GRM1: variants seen among roughly 807,000 people sequenced by gnomAD.
The protein encoded by GRM1 is glutamate metabotropic receptor 1, also known as metabotropic glutamate receptor 1.
In GRM1, 33 loss-of-function variants were observed where a neutral mutation model predicts 90.9. That is an observed-to-expected ratio of 0.36 (90% CI 0.28 to 0.49). The LOEUF (loss-of-function observed/expected upper bound fraction) is 0.49, where lower values mean the gene tolerates loss of function less well. GRM1 is among the 20% of genes least tolerant of loss of function. The pLI is 0.99. For synonymous variants in GRM1, 700 were observed against 613.2 expected (o/e 1.14, Z -2.09); for missense variants, 1,190 against 1,534.3 (o/e 0.78, Z 3.75).
chr6:146,363,134 C>T (rs1775553390), intron 5 of GRM1, among the ~76,000 whole-genome samples: 1 of 152,064 alleles, frequency 6.6e-6, no homozygotes. Context: ...CTAATAATAT[C>T]CTTCTTTAAA....
At chr6:146,101,742 G>A (rs1184182080) in intron 1 of GRM1, among the ~76,000 whole-genome samples, 2 of 150,450 alleles carry the variant, frequency 1.3e-5, no homozygotes, top group Admixed American at 6.6e-5. Context: ...ATATATCACT[G>A]GTAAATATCA....
chr6:146,135,426 G>A (rs1776583055), intron 1 of GRM1, among the ~76,000 whole-genome samples: 1 of 152,216 alleles, frequency 6.6e-6, no homozygotes, highest in Admixed American at 6.5e-5. Flanking sequence ...AAGGCTCTGT[G>A]ATGTGAAGTG....
intron 2 of GRM1, among the ~76,000 whole-genome samples, chr6:146,219,816 A>G (rs1282728182): frequency 1.3e-5 from 2 of 152,120 alleles, no homozygotes; most frequent in Non-Finnish European, 2.9e-5. Context: ...AATAAAGCTA[A>G]GAGTTTATAA....
intron 1 of GRM1, among the ~76,000 whole-genome samples, chr6:146,108,042 A>G (rs556867257): frequency 2.0e-5 from 3 of 152,354 alleles, no homozygotes; most frequent in East Asian, 3.9e-4. Context: ...ATAAATGTAT[A>G]TAAATATATG....
chr6:146,132,027 A>G (rs1776418040), intron 1 of GRM1, among the ~76,000 whole-genome samples: 1 of 152,216 alleles, frequency 6.6e-6, no homozygotes, highest in Admixed American at 6.5e-5. Context: ...AGAACTTGTC[A>G]CATTTGATAA....
chr6:146,402,688 A>C (rs532771567), intron 7 of GRM1, among the ~76,000 whole-genome samples: 3 of 152,304 alleles, frequency 2.0e-5, no homozygotes, highest in African/African-American at 7.2e-5. Context: ...CAACTGATCT[A>C]TCTGTTTGAA....
At chr6:146,229,381 A>T (rs1780367407) in intron 2 of GRM1, among the ~76,000 whole-genome samples, 1 of 149,792 alleles carries the variant, frequency 6.7e-6, no homozygotes, top group South Asian at 2.1e-4. Context: ...GGTGATTTTC[A>T]TACTAGATCA....
chr6:146,321,106 A>C (rs766829791), intron 3 of GRM1, among the ~76,000 whole-genome samples: 1 of 152,106 alleles, frequency 6.6e-6, no homozygotes, highest in Non-Finnish European at 1.5e-5. Context: ...CATGTGCATA[A>C]TTAGTGCTAT....
chr6:146,213,749 G>T (rs1779765611), intron 2 of GRM1, among the ~76,000 whole-genome samples: 1 of 149,996 alleles, frequency 6.7e-6, no homozygotes, highest in Non-Finnish European at 1.5e-5. Context: ...GATGAAAGGA[G>T]ATTTATTGGG....
intron 6 of GRM1, among the ~76,000 whole-genome samples, chr6:146,391,227 A>AG: frequency 6.6e-6 from 1 of 152,240 alleles, no homozygotes; most frequent in East Asian, 1.9e-4. Flanking sequence ...GGATCTTATA[A>AG]GTACCCTAAC....
At chr6:146,304,897 G>C (rs1327698871) in intron 3 of GRM1, 51 bp downstream of exon 3, 14 of 1,235,594 alleles carry the variant, frequency 1.1e-5, no homozygotes, top group African/African-American at 1.5e-5. Flanking sequence ...ATCTCTTCTA[G>C]ATTTATTGCA....
At chr6:146,251,797 C>T (rs980817958) in intron 2 of GRM1, among the ~76,000 whole-genome samples, 4 of 152,206 alleles carry the variant, frequency 2.6e-5, no homozygotes, top group Non-Finnish European at 4.4e-5. Flanking sequence ...TCTGTGACCT[C>T]GTCTCCACTG....
At chr6:146,175,839 G>C (rs1453435474) in intron 2 of GRM1, among the ~76,000 whole-genome samples, 2 of 152,036 alleles carry the variant, frequency 1.3e-5, no homozygotes, top group African/African-American at 4.8e-5. Flanking sequence ...GGTTACATTA[G>C]GTTATAAAAA....
intron 7 of GRM1, among the ~76,000 whole-genome samples, chr6:146,406,453 G>A (rs778455565): frequency 6.6e-6 from 1 of 152,166 alleles, no homozygotes; most frequent in African/African-American, 2.4e-5. Flanking sequence ...ATGAGGGAAA[G>A]CCTGGAAAGG....
chr6:146,267,244 T>C (rs2114808687), intron 2 of GRM1, among the ~76,000 whole-genome samples: 1 of 152,346 alleles, frequency 6.6e-6, no homozygotes, highest in Admixed American at 6.5e-5. Flanking sequence ...CTGCATAATA[T>C]TCCATGGTGT....
chr6:146,177,978 C>T (rs9485053), intron 2 of GRM1, among the ~76,000 whole-genome samples: 4,567 of 152,254 alleles, frequency 0.03, 238 homozygotes, highest in African/African-American at 0.11. Flanking sequence ...ACTCAGCACT[C>T]AATTTCCCTT....
At chr6:146,313,812 G>A (rs964445114) in intron 3 of GRM1, among the ~76,000 whole-genome samples, 3 of 152,002 alleles carry the variant, frequency 2.0e-5, no homozygotes, top group Non-Finnish European at 4.4e-5. Flanking sequence ...TGAACATATT[G>A]CTTCTCAAAT....
chr6:146,090,587 G>T (rs1776683047), intron 1 of GRM1, among the ~76,000 whole-genome samples: 1 of 152,034 alleles, frequency 6.6e-6, no homozygotes, highest in African/African-American at 2.4e-5. Flanking sequence ...TGTAATCCCT[G>T]CCCCATTGGG....
chr6:146,122,781 A>G (rs929834300), intron 1 of GRM1, among the ~76,000 whole-genome samples: 11 of 136,634 alleles, frequency 8.1e-5, no homozygotes, highest in Non-Finnish European at 1.4e-4. Flanking sequence ...TAAGAATTCT[A>G]TTTAGTTTAA....
Sources: gnomAD v4.1 joint callset for allele counts (sites outside exome capture counted in the v4.1 genomes callset) on GRCh38, gnomAD v4.1.1 for gene constraint, MANE v1.5 for transcripts, NCBI Gene and HGNC (gene_info 2026-07-23, HGNC 2026-07-21) for gene names.